The following NXPE2 variants were observed in gnomAD, a reference collection of about 807,000 sequenced individuals.
The protein encoded by NXPE2 is neurexophilin and PC-esterase domain family member 2, also known as NXPE family member 2.
A neutral mutation model predicts 34.4 loss-of-function variants in NXPE2; 34 were observed. The observed-to-expected ratio is 0.99, with a 90% CI of 0.75 to 1.31. NXPE2 has a LOEUF of 1.31. Ranked by LOEUF, NXPE2 falls within the 40% of genes most tolerant of loss-of-function variation. The probability of loss-of-function intolerance (pLI) is 0.00; values close to 1 mark genes in which losing one functional copy is unlikely to be tolerated. For missense variants in NXPE2, 649 were observed against 672.5 expected (o/e 0.97, Z 0.39); for synonymous variants, 235 against 231.3 (o/e 1.02, Z -0.15).
chr11:114,468,507 A>T, the NXPE2 span, among the ~76,000 whole-genome samples: 2 of 152,102 alleles, frequency 1.3e-5, no homozygotes, highest in Non-Finnish European at 2.9e-5. Flanking sequence ...AGCCTTTATT[A>T]CCTCCCAGGG....
the NXPE2 span, among the ~76,000 whole-genome samples, chr11:114,466,041 T>A: frequency 6.6e-6 from 1 of 152,202 alleles, no homozygotes; most frequent in Admixed American, 6.5e-5. Context: ...TAGTAGACTA[T>A]TTTAGTTTTC....
the NXPE2 span, chr11:114,522,338 C>T: frequency 4.0e-5 from 65 of 1,613,912 alleles, no homozygotes; most frequent in African/African-American, 6.7e-5. Flanking sequence ...ACCTGATAGC[C>T]GGTCAATTTC....
chr11:114,679,207 A>G (rs1309708973), intron 1 of NXPE2, among the ~76,000 whole-genome samples: 3 of 149,024 alleles, frequency 2.0e-5, no homozygotes, highest in African/African-American at 5.0e-5. Context: ...CTTGAGGCAG[A>G]TAAGACCAGG....
chr11:114,674,944 A>G (rs991025244), upstream of NXPE2, among the ~76,000 whole-genome samples: 2 of 151,826 alleles, frequency 1.3e-5, no homozygotes, highest in Non-Finnish European at 2.9e-5. Flanking sequence ...CATTGAAAGA[A>G]TGATTCACCA....
the NXPE2 span, among the ~76,000 whole-genome samples, chr11:114,600,693 A>C: frequency 2.6e-5 from 4 of 152,242 alleles, no homozygotes; most frequent in African/African-American, 9.6e-5. Context: ...GAAGGACATT[A>C]ACGGAAAAAC....
chr11:114,767,922 G>A, the NXPE2 span, among the ~76,000 whole-genome samples: 2 of 152,172 alleles, frequency 1.3e-5, no homozygotes, highest in South Asian at 4.1e-4. Context: ...CTATCTGACG[G>A]GCTGTGAATA....
intron 1 of NXPE2, among the ~76,000 whole-genome samples, chr11:114,678,925 T>TG (rs1001746136): frequency 6.8e-6 from 1 of 147,992 alleles, no homozygotes; most frequent in African/African-American, 2.5e-5. Flanking sequence ...TTTTCTGGGG[T>TG]GGGGGGGTTG....
the NXPE2 span, chr11:114,529,875 T>G: frequency 3.4e-6 from 1 of 297,532 alleles, no homozygotes; most frequent in Non-Finnish European, 6.2e-6. Flanking sequence ...CAAAATATGA[T>G]ATGGGAGGTG....
the NXPE2 span, among the ~76,000 whole-genome samples, chr11:114,640,983 G>A: frequency 6.6e-6 from 1 of 151,984 alleles, no homozygotes; most frequent in Non-Finnish European, 1.5e-5. Context: ...TTAGAATTAA[G>A]TGTAATCAAC....
intron 3 of NXPE2, among the ~76,000 whole-genome samples, chr11:114,699,825 G>A (rs967172576): frequency 1.4e-5 from 2 of 144,660 alleles, no homozygotes; most frequent in Non-Finnish European, 3.0e-5. Flanking sequence ...ACCGAGTCTC[G>A]CTCTGTCACC....
the NXPE2 span, among the ~76,000 whole-genome samples, chr11:114,473,140 C>T: frequency 1.3e-5 from 2 of 152,102 alleles, no homozygotes; most frequent in Admixed American, 1.3e-4. Context: ...GAGGGTCTCC[C>T]CAAATACCGC....
chr11:114,518,009 A>G, the NXPE2 span: 1 of 152,466 alleles, frequency 6.6e-6, no homozygotes, highest in Non-Finnish European at 1.5e-5. Context: ...AGGTGCCTGG[A>G]TGTCTTGGCT....
the NXPE2 span, chr11:114,527,878 A>T: frequency 1.2e-6 from 2 of 1,604,036 alleles, no homozygotes; most frequent in Non-Finnish European, 8.5e-7. Flanking sequence ...ACGATCCTTC[A>T]TCATTTCAAC....
the NXPE2 span, among the ~76,000 whole-genome samples, chr11:114,503,646 C>A: frequency 5.3e-5 from 8 of 151,930 alleles, no homozygotes; most frequent in Non-Finnish European, 1.2e-4. Flanking sequence ...AATTAAGAAG[C>A]TTAGAAGATA....
At chr11:114,767,392 GT>G in the NXPE2 span, among the ~76,000 whole-genome samples, 2 of 152,086 alleles carry the variant, frequency 1.3e-5, no homozygotes, top group Non-Finnish European at 2.9e-5. Context: ...ATCCTATTTT[GT>G]TTTTGTTAAA....
At chr11:114,545,311 C>T in the NXPE2 span, among the ~76,000 whole-genome samples, 2 of 152,142 alleles carry the variant, frequency 1.3e-5, no homozygotes, top group East Asian at 1.9e-4. Flanking sequence ...CTGGAAGCAA[C>T]CAAGAGCTCT....
the NXPE2 span, among the ~76,000 whole-genome samples, chr11:114,470,571 A>G: frequency 6.7e-6 from 1 of 149,568 alleles, no homozygotes; most frequent in Non-Finnish European, 1.5e-5. Flanking sequence ...TCTCCAGAGA[A>G]AAAGAATTGA....
At chr11:114,483,688 T>C in the NXPE2 span, among the ~76,000 whole-genome samples, 17 of 152,260 alleles carry the variant, frequency 1.1e-4, no homozygotes, top group African/African-American at 4.1e-4. Flanking sequence ...GGCAATAGTC[T>C]ATTACAGTTT....
chr11:114,523,091 T>C, the NXPE2 span: 1 of 1,608,602 alleles, frequency 6.2e-7, no homozygotes, highest in Admixed American at 1.7e-5. Flanking sequence ...TTTTTCTCTC[T>C]CTGGTAACAA....
Sources: gnomAD v4.1 joint callset for allele counts (sites outside exome capture counted in the v4.1 genomes callset) on GRCh38, gnomAD v4.1.1 for gene constraint, MANE v1.5 for transcripts, NCBI Gene and HGNC (gene_info 2026-07-23, HGNC 2026-07-21) for gene names.